The following SORCS1 variants were observed in gnomAD, a reference collection of about 807,000 sequenced individuals.
SORCS1 encodes the protein sortilin related VPS10 domain containing receptor 1.
Under a neutral mutation model 146.1 loss-of-function variants are expected in SORCS1, and 60 were observed. The ratio of observed to expected loss-of-function variants is 0.41; its 90% CI spans 0.33 to 0.51. SORCS1 has a LOEUF of 0.51. Ranked by LOEUF, SORCS1 falls within the 20% of genes least tolerant of loss-of-function variation. The pLI is 0.21. For synonymous variants in SORCS1, 637 were observed against 584.0 expected (o/e 1.09, Z -1.31); for missense variants, 1,352 against 1,487.6 (o/e 0.91, Z 1.50).
intron 3 of SORCS1, among the ~76,000 whole-genome samples, chr10:106,821,687 C>T (rs1011086631): frequency 3.9e-5 from 6 of 152,010 alleles, no homozygotes; most frequent in South Asian, 2.1e-4. Context: ...TTTGGGAGGC[C>T]GAGGCGGGCG....
At chr10:106,654,950 G>A (rs982485816) in intron 17 of SORCS1, among the ~76,000 whole-genome samples, 89 of 151,920 alleles carry the variant, frequency 5.9e-4, no homozygotes, top group African/African-American at 2.1e-3. Flanking sequence ...TCCACCTCCT[G>A]GGTTCAAGCG....
intron 6 of SORCS1, among the ~76,000 whole-genome samples, chr10:106,723,177 A>G (rs933633275): frequency 6.6e-6 from 1 of 152,184 alleles, no homozygotes; most frequent in Non-Finnish European, 1.5e-5. Context: ...AAAATAAAAT[A>G]AAAAAGAATG....
At chr10:106,705,446 A>T (rs746388332) in intron 8 of SORCS1, among the ~76,000 whole-genome samples, 6 of 152,142 alleles carry the variant, frequency 3.9e-5, no homozygotes, top group Non-Finnish European at 7.4e-5. Context: ...TGTCTATTAT[A>T]TGACTTCCTG....
chr10:106,993,852 T>C (rs1279913843), intron 1 of SORCS1, among the ~76,000 whole-genome samples: 5 of 151,958 alleles, frequency 3.3e-5, no homozygotes, highest in Admixed American at 1.3e-4. Context: ...GGTGGGCAGA[T>C]TGATTGACTC....
intron 13 of SORCS1, among the ~76,000 whole-genome samples, chr10:106,676,555 G>A (rs1232383006): frequency 6.6e-6 from 1 of 152,100 alleles, no homozygotes; most frequent in African/African-American, 2.4e-5. Flanking sequence ...TAATATACTG[G>A]TGAGGGTGTG....
intron 1 of SORCS1, among the ~76,000 whole-genome samples, chr10:106,993,220 T>A (rs1013483123): frequency 1.3e-5 from 2 of 152,200 alleles, no homozygotes; most frequent in Non-Finnish European, 2.9e-5. Flanking sequence ...GATGCCCAAG[T>A]AGGGCTGGAA....
At chr10:107,004,983 C>T (rs1957379246) in intron 1 of SORCS1, among the ~76,000 whole-genome samples, 1 of 151,940 alleles carries the variant, frequency 6.6e-6, no homozygotes, top group Admixed American at 6.6e-5. Flanking sequence ...AGTTGCCTGC[C>T]AATATGGAAA....
chr10:107,021,365 T>C (rs1276727399), intron 1 of SORCS1, among the ~76,000 whole-genome samples: 1 of 150,996 alleles, frequency 6.6e-6, no homozygotes, highest in Non-Finnish European at 1.5e-5. Flanking sequence ...GCAAAAAAAA[T>C]TAGCCGGGCA....
At chr10:106,790,745 T>C (rs1038734935) in intron 3 of SORCS1, among the ~76,000 whole-genome samples, 1 of 152,194 alleles carries the variant, frequency 6.6e-6, no homozygotes, top group African/African-American at 2.4e-5. Flanking sequence ...CAAAGAGTGC[T>C]CCTAGTGATG....
chr10:106,755,103 T>C (rs1023498888), intron 5 of SORCS1, among the ~76,000 whole-genome samples: 18 of 152,328 alleles, frequency 1.2e-4, no homozygotes, highest in African/African-American at 4.3e-4. Context: ...AGTAGAGAAT[T>C]TGGCTTTTGG....
At chr10:106,832,756 G>A (rs1012781939) in intron 2 of SORCS1, among the ~76,000 whole-genome samples, 8 of 152,082 alleles carry the variant, frequency 5.3e-5, no homozygotes, top group African/African-American at 1.9e-4. Context: ...CTGATGATAG[G>A]TGGAAATCGG....
At position 106,940,494 on chromosome 10, in the gene SORCS1, A is replaced by G. The variant is rs142211158; in HGVS notation, c.626+16019T>C. 2.9e-3 allele frequency among the ~76,000 whole-genome samples: 446 copies of G among 152,348 alleles called. 6 individuals carry two copies. The highest frequency in any genetic ancestry group is 8.0e-3 in the African/African-American group (331 of 41,578). The stretch of plus-strand genomic sequence containing the variant: ...GAAAGTGCTTACAATTCAAACCAAT[A>G]CATTCAAAAGGAAAAATATGTAAAA... On this transcript the variant is annotated intron_variant, in intron 2 of 25. Coordinates refer to ENST00000263054, the MANE Select transcript of SORCS1 (RefSeq NM_052918.5).
chr10:107,176,577 C>A, the SORCS1 span, among the ~76,000 whole-genome samples: 2 of 151,926 alleles, frequency 1.3e-5, no homozygotes, highest in Non-Finnish European at 2.9e-5. Flanking sequence ...TGGTCTCAAG[C>A]GATCCTCCCA....
At chr10:106,972,122 C>T (rs1326567003) in intron 1 of SORCS1, among the ~76,000 whole-genome samples, 1 of 152,118 alleles carries the variant, frequency 6.6e-6, no homozygotes, top group African/African-American at 2.4e-5. Flanking sequence ...TCAATCACGC[C>T]TGTAATCCCA....
chr10:106,799,898 A>G (rs1315775319), intron 3 of SORCS1, among the ~76,000 whole-genome samples: 4 of 152,252 alleles, frequency 2.6e-5, no homozygotes, highest in East Asian at 1.9e-4. Flanking sequence ...AGACTAACAC[A>G]GGTCCTAAAA....
At chr10:106,742,280 T>C (rs1229657623) in intron 5 of SORCS1, among the ~76,000 whole-genome samples, 1 of 152,230 alleles carries the variant, frequency 6.6e-6, no homozygotes, top group East Asian at 1.9e-4. Context: ...TTAGAATGTC[T>C]ACATATACAT....
rs1007042321 is a variant in SORCS1 at position 106,776,479 on chromosome 10, C to A, written c.885+55G>T. ...AAATGGAGAGATGATTAAATTAGCA[C>A]TATTTTCCCCGGAGAACCATGCTTC... On this transcript the variant is annotated intron_variant, in intron 4 of 25. Coordinates refer to ENST00000263054, the MANE Select transcript of SORCS1 (RefSeq NM_052918.5). 3.1e-6 allele frequency: 5 copies of A among 1,599,056 alleles called. No homozygotes were observed. In the African/African-American group the frequency reaches 6.7e-5, roughly 21 times the overall value.
At chr10:106,631,237 C>T (rs1202411086) in intron 18 of SORCS1, among the ~76,000 whole-genome samples, 5 of 152,220 alleles carry the variant, frequency 3.3e-5, no homozygotes, top group Non-Finnish European at 7.3e-5. Context: ...AGTACATAGG[C>T]ACAAATTCTC....
At position 106,762,386 on chromosome 10, in the gene SORCS1, C is replaced by CTTTTTTTTTTTT. The variant is rs869195563; in HGVS notation, c.886-737_886-726dup. Among the ~76,000 whole-genome samples, 38 of 73,820 alleles carry CTTTTTTTTTTTT rather than the reference C, an allele frequency of 5.1e-4. 1 individual carries two copies. The highest frequency in any genetic ancestry group is 6.1e-4 in the South Asian group (1 of 1,652). 48.4% of individuals were successfully genotyped at this position (73,820 alleles called of 152,430 possible). A position where few individuals can be genotyped will look rare whatever the true frequency, so the allele number is the denominator to read the frequency against. On this transcript the variant is annotated intron_variant, in intron 4 of 25. Transcript: ENST00000263054. The stretch of plus-strand genomic sequence containing the variant: ...TTCTTTCTAAGTCTTTTTTATTATT[C>CTTTTTTTTTTTT]TTTTTTTTTTTTTTTTTTTTTTTTG...
Sources: gnomAD v4.1 joint callset for allele counts (sites outside exome capture counted in the v4.1 genomes callset) on GRCh38, gnomAD v4.1.1 for gene constraint, MANE v1.5 for transcripts, NCBI Gene and HGNC (gene_info 2026-07-23, HGNC 2026-07-21) for gene names.